Variants in BCL2L13 observed in about 807,000 individuals in gnomAD.
The protein encoded by BCL2L13 is bcl-2-like protein 13.
BCL2L13 carries 13 observed loss-of-function variants against 25.8 expected under a neutral mutation model. The ratio of observed to expected loss-of-function variants is 0.50; its 90% confidence interval spans 0.33 to 0.80. The LOEUF (loss-of-function observed/expected upper bound fraction) is 0.80. Among genes scored for constraint, BCL2L13 ranks in the 30% least tolerant of loss-of-function variants. The pLI is 0.02. For synonymous variants in BCL2L13, 244 were observed against 230.3 expected (o/e 1.06, Z -0.54); for missense variants, 504 against 574.9 (o/e 0.88, Z 1.26).
intron 6 of BCL2L13, among the ~76,000 whole-genome samples, chr22:17,712,290 A>G (rs1382408984): frequency 6.6e-6 from 1 of 152,238 alleles, no homozygotes; most frequent in Non-Finnish European, 1.5e-5. Flanking sequence ...CAATAATGAA[A>G]AAAGTTTAAT....
At chr22:17,640,076 A>T (rs959310508) in intron 1 of BCL2L13, among the ~76,000 whole-genome samples, 7 of 151,230 alleles carry the variant, frequency 4.6e-5, no homozygotes, top group African/African-American at 1.7e-4. Flanking sequence ...ATGGTCTCGA[A>T]CTCCCAATCT....
chr22:17,659,814 A>T (rs1601553847), intron 2 of BCL2L13, among the ~76,000 whole-genome samples: 1 of 146,288 alleles, frequency 6.8e-6, no homozygotes, highest in African/African-American at 2.4e-5. Context: ...AATCCCTTAG[A>T]TATCTTCATT....
chr22:17,647,761 T>C (rs1291078640), intron 1 of BCL2L13, among the ~76,000 whole-genome samples: 2 of 152,206 alleles, frequency 1.3e-5, no homozygotes, highest in Non-Finnish European at 2.9e-5. Context: ...AGAGGATTAC[T>C]GTGACAACAC....
intron 2 of BCL2L13, among the ~76,000 whole-genome samples, chr22:17,676,271 G>A (rs1412214549): frequency 2.7e-5 from 4 of 150,216 alleles, no homozygotes; most frequent in African/African-American, 9.8e-5. Flanking sequence ...AGACCAGCCT[G>A]GCCAACATGG....
intron 1 of BCL2L13, among the ~76,000 whole-genome samples, chr22:17,640,888 ATATATATATATTTT>A (rs2058252769): frequency 1.8e-5 from 1 of 54,152 alleles, no homozygotes; most frequent in Admixed American, 1.8e-4. Flanking sequence ...TTTTTTATAT[ATATATATATATTTT>A]TTTTTTGAGG....
chr22:17,654,718 C>T (rs2058798298), intron 1 of BCL2L13, among the ~76,000 whole-genome samples: 1 of 151,574 alleles, frequency 6.6e-6, no homozygotes. Flanking sequence ...GCCACCGCAC[C>T]TGGCCTGTCT....
intron 6 of BCL2L13, among the ~76,000 whole-genome samples, chr22:17,716,403 T>C (rs1277699610): frequency 1.3e-5 from 2 of 152,206 alleles, no homozygotes; most frequent in Non-Finnish European, 2.9e-5. Flanking sequence ...TACCAGTATC[T>C]ATGTGAATAA....
At chr22:17,631,395 C>T (rs1480909805) in intron 1 of BCL2L13, among the ~76,000 whole-genome samples, 1 of 151,938 alleles carries the variant, frequency 6.6e-6, no homozygotes, top group African/African-American at 2.4e-5. Context: ...CCACGCCCAG[C>T]CTCAATTGGG....
chr22:17,719,603 G>A (rs2061045421), intron 6 of BCL2L13, among the ~76,000 whole-genome samples: 1 of 152,054 alleles, frequency 6.6e-6, no homozygotes. Context: ...GGCCGAGGCA[G>A]GTGGATCATG....
chr22:17,693,546 A>G (rs867493246), intron 4 of BCL2L13, among the ~76,000 whole-genome samples: 37 of 151,814 alleles, frequency 2.4e-4, no homozygotes, highest in African/African-American at 8.4e-4. Context: ...CGCGCAGCTA[A>G]TTTTTGTATT....
chr22:17,670,339 G>A (rs892044309), intron 2 of BCL2L13, among the ~76,000 whole-genome samples: 1 of 147,576 alleles, frequency 6.8e-6, no homozygotes, highest in African/African-American at 2.5e-5. Flanking sequence ...TTAATGTGTA[G>A]ATCAATTTGG....
intron 6 of BCL2L13, among the ~76,000 whole-genome samples, chr22:17,712,626 T>A (rs2060794609): frequency 6.6e-6 from 1 of 152,212 alleles, no homozygotes; most frequent in African/African-American, 2.4e-5. Flanking sequence ...AGTAATTCCT[T>A]AGTAACAGAT....
At chr22:17,670,444 G>A (rs1001308721) in intron 2 of BCL2L13, among the ~76,000 whole-genome samples, 7 of 144,488 alleles carry the variant, frequency 4.8e-5, no homozygotes, top group Non-Finnish European at 7.4e-5. Flanking sequence ...GCGTGATCTT[G>A]GCTCACCGCA....
chr22:17,638,782 G>C lies in BCL2L13; in HGVS notation c.-155G>C. ...ACCCTCCAACATGGCGGCGGCGGTA[G>C]ATTAGGGCCGCGGGTCGGAGCACTC... On this transcript the variant is annotated 5_prime_UTR_variant, in exon 1 of 7. Coordinates refer to ENST00000317582, the MANE Select transcript of BCL2L13 (RefSeq NM_015367.4). The C allele has an allele frequency of 8.1e-7, 1 of 1,231,778 alleles. No homozygotes were observed. The highest frequency in any genetic ancestry group is 4.1e-5 in the South Asian group (1 of 24,318). The allele number at this position is 1,231,778 out of a possible 1,614,324, so 76.3% of individuals were successfully genotyped here. A position where few individuals can be genotyped will look rare whatever the true frequency, so the allele number is the denominator to read the frequency against.
chr22:17,701,942 AAATT>A (rs1192602734), intron 5 of BCL2L13, among the ~76,000 whole-genome samples: 6 of 151,540 alleles, frequency 4.0e-5, no homozygotes, highest in Admixed American at 2.6e-4. Flanking sequence ...AAGGAAAAAG[AAATT>A]AATTAATTAA....
intron 3 of BCL2L13, among the ~76,000 whole-genome samples, chr22:17,686,911 A>AAAG (rs1191057504): frequency 6.6e-6 from 1 of 152,230 alleles, no homozygotes; most frequent in Non-Finnish European, 1.5e-5. Context: ...CAAAAGGTAG[A>AAAG]AAGAAGAAGA....
At chr22:17,673,794 T>A (rs2059492380) in intron 2 of BCL2L13, among the ~76,000 whole-genome samples, 1 of 152,204 alleles carries the variant, frequency 6.6e-6, no homozygotes, top group Non-Finnish European at 1.5e-5. Context: ...TGTATTTTTT[T>A]AATTCCTTTG....
chr22:17,682,824 T>C (rs1288174867), intron 2 of BCL2L13, among the ~76,000 whole-genome samples: 1 of 152,184 alleles, frequency 6.6e-6, no homozygotes, highest in Non-Finnish European at 1.5e-5. Flanking sequence ...GATTTTGCAT[T>C]TTTTGGCTTA....
At chr22:17,638,619 C>G, upstream of BCL2L13, 1 of 1,188,408 alleles carries the variant, frequency 8.4e-7, no homozygotes, top group Non-Finnish European at 1.1e-6. Context: ...GGGTTTGGGT[C>G]TTCAGGTCAC....
Sources: allele counts gnomAD v4.1 joint callset (sites outside exome capture counted in the v4.1 genomes callset), GRCh38; gene constraint gnomAD v4.1.1; transcripts MANE v1.5; gene names NCBI Gene and HGNC (gene_info 2026-07-23, HGNC 2026-07-21).